The following FNTA variants were observed in gnomAD, a reference collection of about 807,000 sequenced individuals.
The protein encoded by FNTA is protein farnesyltransferase/geranylgeranyltransferase type-1 subunit alpha.
In FNTA, 27 loss-of-function variants were observed where a neutral mutation model predicts 55.2. The observed-to-expected ratio is 0.49, with a 90% CI of 0.36 to 0.67. The LOEUF (loss-of-function observed/expected upper bound fraction) is 0.67. Among genes scored for constraint, FNTA ranks in the 30% least tolerant of loss-of-function variants. FNTA has a pLI of 0.00. For synonymous variants in FNTA, 176 were observed against 170.7 expected, an observed-to-expected ratio of 1.03 and a Z score of -0.24; for missense variants, 422 against 464.7, an observed-to-expected ratio of 0.91 and a Z score of 0.85.
intron 5 of FNTA, among the ~76,000 whole-genome samples, chr8:43,072,999 C>CT (rs1810828090): frequency 6.6e-6 from 1 of 151,992 alleles, no homozygotes; most frequent in African/African-American, 2.4e-5. Flanking sequence ...ACCCATGTGT[C>CT]AAAGTTTTAT....
intron 3 of FNTA, among the ~76,000 whole-genome samples, chr8:43,064,423 C>A (rs1032428332): frequency 6.6e-6 from 1 of 152,052 alleles, no homozygotes; most frequent in Non-Finnish European, 1.5e-5. Flanking sequence ...AGTGATTCTC[C>A]TGCCTCAGCC....
intron 5 of FNTA, 66 bp downstream of exon 5, chr8:43,072,373 T>TAA (rs1315969104): frequency 5.5e-5 from 68 of 1,246,822 alleles, no homozygotes; most frequent in Middle Eastern, 2.0e-4. Flanking sequence ...AAATTACTCT[T>TAA]AAAGTCTGTT....
intron 3 of FNTA, among the ~76,000 whole-genome samples, chr8:43,065,869 T>C (rs941480192): frequency 6.6e-6 from 1 of 151,526 alleles, no homozygotes; most frequent in African/African-American, 2.5e-5. Context: ...CAATTAAAAA[T>C]CATTAGTCTC....
intron 2 of FNTA, among the ~76,000 whole-genome samples, chr8:43,061,102 A>G (rs893164699): frequency 1.4e-4 from 22 of 152,240 alleles, no homozygotes; most frequent in African/African-American, 5.3e-4. Context: ...TTAGGTATTA[A>G]GATATATGAA....
chr8:43,064,054 A>T (rs778829857), intron 2 of FNTA, 47 bp from the exon 3 acceptor site: 3 of 1,151,280 alleles, frequency 2.6e-6, no homozygotes, highest in African/African-American at 1.5e-5. Flanking sequence ...TTATAGTGCT[A>T]ATTTTAAGTA....
At chr8:43,056,588 A>T (rs1810407737) in intron 1 of FNTA, 42 bp downstream of exon 1, 2 of 1,246,022 alleles carry the variant, frequency 1.6e-6, no homozygotes, top group African/African-American at 1.6e-5. Flanking sequence ...CACTCCCTGG[A>T]GGCCCAGCGG....
In FNTA at chr8:43,056,419, C is replaced by T. The variant is rs1411099518; in HGVS notation, c.73C>T (p.Gln25Ter). The T allele has an allele frequency of 7.9e-6, 12 of 1,525,888 alleles. No individual in the cohort carries two copies. Among genetic ancestry groups the T allele is most frequent in the Admixed American group, 2.1e-5 (1 of 48,588 alleles). The allele number at this position is 1,525,888 out of a possible 1,614,324, so 94.5% of individuals were successfully genotyped here. A position where few individuals can be genotyped will look rare whatever the true frequency, so the allele number is the denominator to read the frequency against. ...CGGGCAGCCGGCGCAACCCCCGCCC[C>T]AGCCGCACCCACCGCCGCCCCAGCA... is the stretch of plus-strand genomic sequence containing the variant. ...EPGQPAQPPPQPHPPPPQQQH... is the reference protein window; with the variant it reads ...EPGQPAQPPP Residue 25 changes from glutamine to a stop codon, truncating the protein, a stop_gained, in exon 1 of 9, where the codon CAG (glutamine) becomes TAG (stop). Transcript: ENST00000302279. LOFTEE classifies it high-confidence loss of function.
intron 3 of FNTA, among the ~76,000 whole-genome samples, chr8:43,068,561 C>T (rs1347512661): frequency 1.3e-5 from 2 of 152,138 alleles, no homozygotes; most frequent in Non-Finnish European, 2.9e-5. Flanking sequence ...ACACGAACAA[C>T]GTGTACTGTG....
At chr8:43,078,970 T>A (rs1267220940) in intron 6 of FNTA, 1 of 152,412 alleles carries the variant, frequency 6.6e-6, no homozygotes, top group Non-Finnish European at 1.5e-5. Context: ...AACATTCCCT[T>A]AAGCCAAAGC....
intron 5 of FNTA, among the ~76,000 whole-genome samples, chr8:43,075,436 G>GT (rs752898520): frequency 5.1e-4 from 77 of 151,216 alleles, no homozygotes; most frequent in Non-Finnish European, 8.3e-4. Flanking sequence ...TTATTTATAA[G>GT]TTTTTTTTAT....
At position 43,069,641 on chromosome 8, in the gene FNTA, C is replaced by A. The variant is rs775519626; in HGVS notation, c.488C>A (p.Pro163His). Residue 163 changes from proline (P) to histidine (H), a missense_variant, in exon 4 of 9, where the codon CCC becomes CAC. Transcript: ENST00000302279. The stretch of plus-strand genomic sequence containing the variant: ...ATCACTGCAATAATTGAGGAGCAGC[C>A]CAAAAACTATCAAGTTTGGTAAGTT... ...NYITAIIEEQPKNYQVWHHRR... is the reference protein window; with the variant it reads ...NYITAIIEEQHKNYQVWHHRR... 1 of 1,611,068 alleles carries A rather than the reference C, an allele frequency of 6.2e-7. No homozygotes were observed. Among genetic ancestry groups the A allele is most frequent in the East Asian group, 2.2e-5 (1 of 44,806 alleles).
In FNTA at chr8:43,079,364, G is replaced by T. The variant is rs553578837; in HGVS notation, c.782+2000G>T. ...AGCTGGTGACTTGAAGTTGAAACCA[G>T]TGTTCGGTGATGATTCTGGAAATCT... On this transcript the variant is annotated intron_variant, in intron 6 of 8. Transcript: ENST00000302279. The T allele has an allele frequency of 3.8e-4, 59 of 155,296 alleles. 1 individual carries two copies. In the South Asian group the frequency reaches 0.011, roughly 29 times the overall value. The allele number at this position is 155,296 out of a possible 1,614,324, so 9.6% of individuals were successfully genotyped here. A position where few individuals can be genotyped will look rare whatever the true frequency, so the allele number is the denominator to read the frequency against.
At chr8:43,066,143 TTTTTA>T (rs1488976269) in intron 3 of FNTA, among the ~76,000 whole-genome samples, 1 of 151,388 alleles carries the variant, frequency 6.6e-6, no homozygotes, top group Non-Finnish European at 1.5e-5. Flanking sequence ...TTTGTTTATC[TTTTTA>T]TTTTCTTTTG....
At chr8:43,057,771 A>G (rs1042445554) in intron 1 of FNTA, among the ~76,000 whole-genome samples, 1 of 152,174 alleles carries the variant, frequency 6.6e-6, no homozygotes, top group Admixed American at 6.5e-5. Flanking sequence ...TAACCTGGCC[A>G]ACATGGTGAA....
Position 43,069,484 on chromosome 8 carries a change from C to T in FNTA, c.402-71C>T, listed in dbSNP as rs148674099. 1.7e-4 allele frequency: 159 copies of T among 935,190 alleles called. No individual in the cohort carries two copies. The African/African-American group carries it at 2.3e-3, about 13-fold the overall frequency. 57.9% of individuals were successfully genotyped at this position (935,190 alleles called of 1,614,324 possible). On this transcript the variant is annotated intron_variant, in intron 3 of 8. Transcript: ENST00000302279. ...GTCTAACTGTATTGCTGACTTGTAG[C>T]TGTATTTGATATTGTTATTAGGGAA... is the stretch of plus-strand genomic sequence containing the variant.
chr8:43,063,251 C>A (rs1034245066), intron 2 of FNTA: 1 of 455,724 alleles, frequency 2.2e-6, no homozygotes, highest in East Asian at 6.9e-5. Context: ...CGATTAATTT[C>A]TATATTTTTT....
chr8:43,070,277 C>G (rs916549101), intron 4 of FNTA: 7 of 151,514 alleles, frequency 4.6e-5, no homozygotes, highest in African/African-American at 1.7e-4. Flanking sequence ...CACTGCACTC[C>G]AGCCTGGGGG....
At chr8:43,084,377 C>T (rs1052520742) in intron 7 of FNTA, among the ~76,000 whole-genome samples, 1 of 151,894 alleles carries the variant, frequency 6.6e-6, no homozygotes, top group Admixed American at 6.6e-5. Context: ...CACCACTAGG[C>T]ATGGCTGATT....
intron 5 of FNTA, among the ~76,000 whole-genome samples, chr8:43,076,214 TTG>T (rs2130565517): frequency 6.6e-6 from 1 of 152,144 alleles, no homozygotes; most frequent in Admixed American, 6.5e-5. Context: ...CGGCTAATTT[TTG>T]TGTTTTTAGT....
Sources: gnomAD v4.1 joint callset for allele counts (sites outside exome capture counted in the v4.1 genomes callset) on GRCh38, gnomAD v4.1.1 for gene constraint, MANE v1.5 for transcripts, NCBI Gene and HGNC (gene_info 2026-07-23, HGNC 2026-07-21) for gene names.